GNAS: variants seen among roughly 807,000 people sequenced by gnomAD.
The protein encoded by GNAS is GNAS complex locus, also known as protein ALEX.
In GNAS, 8 loss-of-function variants were observed where a neutral mutation model predicts 54.5. The observed-to-expected ratio is 0.15, with a 90% CI of 0.09 to 0.26. The LOEUF is 0.26. Among genes scored for constraint, GNAS ranks in the 10% least tolerant of loss-of-function variants. The pLI is 1.00. For missense variants in GNAS, 170 were observed against 529.8 expected (o/e 0.32, Z 6.67); for synonymous variants, 204 against 191.4 (o/e 1.07, Z -0.54).
intron 3 of GNAS, 147 bp from the exon 4 acceptor site, chr20:58,903,384 G>C: frequency 1.3e-6 from 1 of 765,182 alleles, no homozygotes; most frequent in South Asian, 1.5e-5. Context: ...TGTTTATTCA[G>C]CTACCTCCAA....
At chr20:58,903,338 C>A in intron 3 of GNAS, 193 bp from the exon 4 acceptor site, 1 of 681,876 alleles carries the variant, frequency 1.5e-6, no homozygotes. Context: ...TGGGCGTGTC[C>A]TCAGGGCACA....
rs1313706047 is a variant in GNAS, at chr20:58,873,396, A to G, written c.44-22216A>G. Among the ~76,000 whole-genome samples, 1 of 152,200 alleles carries G rather than the reference A, an allele frequency of 6.6e-6. No individual in the cohort carries two copies. Among genetic ancestry groups the G allele is most frequent in the East Asian group, 1.9e-4 (1 of 5,202 alleles). On this transcript the variant is annotated intron_variant, in intron 1 of 12. Coordinates refer to the GNAS transcript ENST00000306090. This position sits in a 1 kb window ranked among gnomAD's most constrained non-coding sequence, Gnocchi z 4.3. ...AAGTGAAAACAGTTGTCACAAATTAATTTTTCAAATGTTTGACTATTGGCA... is the reference window on the plus strand; with the variant it reads ...AAGTGAAAACAGTTGTCACAAATTAGTTTTTCAAATGTTTGACTATTGGCA...
chr20:58,848,319 G>A (rs1454068959), intron 1 of GNAS, among the ~76,000 whole-genome samples: 1 of 152,156 alleles, frequency 6.6e-6, no homozygotes, highest in Non-Finnish European at 1.5e-5. Context: ...AGCCCCTCAT[G>A]ACAGGGGTCA....
At chr20:58,895,162 C>G (rs953712926) in intron 1 of GNAS, 2 of 258,694 alleles carry the variant, frequency 7.7e-6, no homozygotes, top group South Asian at 8.5e-5. Flanking sequence ...TTGGGAATCC[C>G]GGGTATTTTA....
At chr20:58,847,644 C>A (rs1399018272) in intron 1 of GNAS, among the ~76,000 whole-genome samples, 2 of 152,224 alleles carry the variant, frequency 1.3e-5, no homozygotes, top group African/African-American at 2.4e-5. Flanking sequence ...GAAGGCACTT[C>A]TGCAAACTTC....
chr20:58,851,002 C>A (rs935444482), intron 1 of GNAS: 1 of 398,184 alleles, frequency 2.5e-6, no homozygotes, highest in Admixed American at 4.4e-5. Context: ...GCTGACCCGG[C>A]GCTGGGGTCG....
rs1004902 is a variant in GNAS, at chr20:58,909,308, G to T, written c.586-42G>T. 2 of 1,587,910 alleles carry T rather than the reference G, an allele frequency of 1.3e-6. No individual in the cohort carries two copies. The highest frequency in any genetic ancestry group is 2.2e-5 in the East Asian group (1 of 44,746). On this transcript the variant is annotated intron_variant, in intron 7 of 12. Transcript: ENST00000371085. The surrounding 1 kb of genome is among the most constrained non-coding windows in gnomAD (Gnocchi z 7.3). ...TTAGATTGGCAATTATTACTGTTTC[G>T]GTTGGCTTTGGTGAGATCCATTGAC...
chr20:58,844,586 C>T (rs187603075), intron 1 of GNAS, among the ~76,000 whole-genome samples: 3 of 152,204 alleles, frequency 2.0e-5, no homozygotes, highest in Admixed American at 1.3e-4. Context: ...AAAATGAGAT[C>T]GCTGAATGAG....
At chr20:58,898,755 T>C in intron 2 of GNAS, 186 bp from the exon 3 acceptor site, 1 of 685,524 alleles carries the variant, frequency 1.5e-6, no homozygotes, top group Non-Finnish European at 2.7e-6. Flanking sequence ...TGGCCTGCAG[T>C]CTCAGTGGAT....
intron 1 of GNAS, among the ~76,000 whole-genome samples, chr20:58,880,108 C>A (rs2088129170): frequency 6.6e-6 from 1 of 152,100 alleles, no homozygotes; most frequent in East Asian, 1.9e-4. Context: ...TTTTCCTGAT[C>A]TCTCAGTGCA....
upstream of GNAS, chr20:58,840,304 C>G: frequency 1.2e-6 from 2 of 1,612,756 alleles, no homozygotes; most frequent in Non-Finnish European, 1.7e-6. This position sits in a 1 kb window ranked among gnomAD's most constrained non-coding sequence, Gnocchi z 6.0. Flanking sequence ...GCTTCCTTAA[C>G]GCCCACCACC....
chr20:58,840,109 G>C, upstream of GNAS: 1 of 1,610,756 alleles, frequency 6.2e-7, no homozygotes, highest in Non-Finnish European at 8.5e-7. This position sits in a 1 kb window ranked among gnomAD's most constrained non-coding sequence, Gnocchi z 6.0. Context: ...CTAAGAGGAT[G>C]GATCGGAGGT....
At position 58,909,109 on chromosome 20, in the gene GNAS, G is replaced by C. The variant is rs891070820; in HGVS notation, c.531-53G>C. On this transcript the variant is annotated intron_variant, in intron 6 of 12. Coordinates refer to ENST00000371085, the MANE Select transcript of GNAS (RefSeq NM_000516.7). This position sits in a 1 kb window ranked among gnomAD's most constrained non-coding sequence, Gnocchi z 7.3. Reference sequence around the variant, plus strand: ...CCTTGTAGAGAGACACAAATAGTTGGCAAATTGATGTGAGCGCTGTGAACA... The same window carrying C: ...CCTTGTAGAGAGACACAAATAGTTGCCAAATTGATGTGAGCGCTGTGAACA... 6.8e-7 allele frequency: 1 copy of C among 1,474,430 alleles called. No individual in the cohort carries two copies. Among genetic ancestry groups the C allele is most frequent in the African/African-American group, 1.4e-5 (1 of 72,036 alleles). 91.3% of individuals were successfully genotyped at this position (1,474,430 alleles called of 1,614,324 possible). A position where few individuals can be genotyped will look rare whatever the true frequency, so the allele number is the denominator to read the frequency against.
rs1283150994 is a variant in GNAS, at chr20:58,855,129, C to G, written c.43+14243C>G. ...GCAAGCCTTCGGGGGCTGCTTCGGTCGATCTGAGAGTCCCCAGCCCAAAGC... is the reference window on the plus strand; with the variant it reads ...GCAAGCCTTCGGGGGCTGCTTCGGTGGATCTGAGAGTCCCCAGCCCAAAGC... On this transcript the variant is annotated intron_variant, in intron 1 of 12. Coordinates refer to the GNAS transcript ENST00000306090. The G allele has an allele frequency of 9.3e-6, 15 of 1,613,488 alleles. No individual in the cohort carries two copies. Among genetic ancestry groups the G allele is most frequent in the South Asian group, 2.2e-5 (2 of 91,042 alleles).
chr20:58,893,341 TAATGA>T (rs1051161637), intron 1 of GNAS, among the ~76,000 whole-genome samples: 1 of 152,136 alleles, frequency 6.6e-6, no homozygotes, highest in African/African-American at 2.4e-5. Flanking sequence ...GAAAAAAATG[TAATGA>T]AATGACCAAA....
intron 1 of GNAS, among the ~76,000 whole-genome samples, chr20:58,843,645 G>A (rs528556732): frequency 6.6e-6 from 1 of 152,362 alleles, no homozygotes; most frequent in South Asian, 2.1e-4. Flanking sequence ...TCAAATGGAG[G>A]GTGAGGGAGG....
chr20:58,871,538 C>T (rs1280885103), intron 1 of GNAS, among the ~76,000 whole-genome samples: 1 of 144,930 alleles, frequency 6.9e-6, no homozygotes, highest in Non-Finnish European at 1.5e-5. Context: ...CGCTTGAACC[C>T]GGGAGGCAGG....
At chr20:58,904,625 T>G (rs1286869064) in intron 5 of GNAS, among the ~76,000 whole-genome samples, 1 of 152,264 alleles carries the variant, frequency 6.6e-6, no homozygotes, top group Non-Finnish European at 1.5e-5. Context: ...CAATGAGTTA[T>G]TGTTGCCTTT....
chr20:58,855,183 C>T (rs2086414294), intron 1 of GNAS: 1 of 1,608,486 alleles, frequency 6.2e-7, no homozygotes, highest in Non-Finnish European at 8.5e-7. Flanking sequence ...CAAGAAGGTA[C>T]CCCTGGCGGA....
Sources: allele counts gnomAD v4.1 joint callset (sites outside exome capture counted in the v4.1 genomes callset), GRCh38; gene constraint gnomAD v4.1.1; non-coding constraint Gnocchi (gnomAD v3.1); transcripts MANE v1.5; gene names NCBI Gene and HGNC (gene_info 2026-07-23, HGNC 2026-07-21).